The following SYT2 variants were observed in gnomAD, a reference collection of about 807,000 sequenced individuals.
The protein encoded by SYT2 is synaptotagmin-2.
A neutral mutation model predicts 39.9 loss-of-function variants in SYT2; 15 were observed. The ratio of observed to expected loss-of-function variants is 0.38; its 90% CI spans 0.25 to 0.58. SYT2 has a LOEUF of 0.58. Among genes scored for constraint, SYT2 ranks in the 20% least tolerant of loss-of-function variants. The pLI, the probability that SYT2 is intolerant of heterozygous loss-of-function variation, is 0.70. For missense variants in SYT2, 389 were observed against 530.3 expected, an observed-to-expected ratio of 0.73 and a Z score of 2.62; for synonymous variants, 181 against 204.5, an observed-to-expected ratio of 0.89 and a Z score of 0.98.
chr1:202,591,217 G>A lies in SYT2; in HGVS notation c.*5540C>T, dbSNP rs1254789087. 1 of 152,418 alleles carries A rather than the reference G, an allele frequency of 6.6e-6. No homozygotes were observed. The highest frequency in any genetic ancestry group is 2.4e-5 in the African/African-American group (1 of 41,470). The allele number at this position is 152,418 out of a possible 1,614,324, so 9.4% of individuals were successfully genotyped here. On this transcript the variant is annotated 3_prime_UTR_variant, in exon 9 of 9. Transcript: ENST00000367268. ...GGGACTTCTGTGTGCAACTTCTGTT[G>A]TGGTTTGTGCAGGGCAAGCCTGCCT...
chr1:202,632,793 C>G (rs1398006137), intron 1 of SYT2: 1 of 153,614 alleles, frequency 6.5e-6, no homozygotes, highest in South Asian at 2.1e-4. Context: ...TGGGACCAGA[C>G]AGCCTTTGCT....
intron 1 of SYT2, among the ~76,000 whole-genome samples, chr1:202,677,558 A>T (rs904292284): frequency 6.6e-6 from 1 of 152,190 alleles, no homozygotes; most frequent in Non-Finnish European, 1.5e-5. Flanking sequence ...CCAACTCGCC[A>T]TGTGAATGAG....
chr1:202,657,556 C>T (rs560115192), intron 1 of SYT2, among the ~76,000 whole-genome samples: 3 of 152,208 alleles, frequency 2.0e-5, no homozygotes, highest in Non-Finnish European at 2.9e-5. Context: ...GTTGGTGTGG[C>T]GGTCACTGCA....
intron 1 of SYT2, among the ~76,000 whole-genome samples, chr1:202,621,497 A>G (rs1168189131): frequency 1.3e-5 from 2 of 151,864 alleles, no homozygotes; most frequent in African/African-American, 4.8e-5. Flanking sequence ...GGGTACCACT[A>G]TGTTGCTCAG....
At chr1:202,706,396 C>T (rs904877466) in intron 1 of SYT2, among the ~76,000 whole-genome samples, 5 of 152,030 alleles carry the variant, frequency 3.3e-5, no homozygotes, top group Non-Finnish European at 5.9e-5. Context: ...AAAAGGAGCA[C>T]GCAGGCCACC....
At chr1:202,647,516 G>A (rs1187496771) in intron 1 of SYT2, among the ~76,000 whole-genome samples, 1 of 152,008 alleles carries the variant, frequency 6.6e-6, no homozygotes, top group Non-Finnish European at 1.5e-5. Context: ...CAGTAGCTGA[G>A]GCTACCTGCC....
At chr1:202,635,967 A>T (rs1298074483) in intron 1 of SYT2, among the ~76,000 whole-genome samples, 6 of 152,198 alleles carry the variant, frequency 3.9e-5, no homozygotes, top group Admixed American at 1.3e-4. Context: ...GCTGCTTCTG[A>T]TCAGCCCCCT....
At chr1:202,678,991 G>A (rs1653456876) in intron 1 of SYT2, among the ~76,000 whole-genome samples, 1 of 152,138 alleles carries the variant, frequency 6.6e-6, no homozygotes. Flanking sequence ...CCTCTGAAAT[G>A]CCGGTTCTCA....
chr1:202,637,824 G>A (rs1245889535), intron 1 of SYT2, among the ~76,000 whole-genome samples: 4 of 152,220 alleles, frequency 2.6e-5, no homozygotes, highest in Non-Finnish European at 4.4e-5. Context: ...AAGGACTGCC[G>A]GCCCTGATGA....
chr1:202,607,246 G>A (rs775867798), intron 1 of SYT2, among the ~76,000 whole-genome samples: 6 of 152,162 alleles, frequency 3.9e-5, no homozygotes, highest in Non-Finnish European at 8.8e-5. Flanking sequence ...AGCACACAGC[G>A]GGCACTCTGG....
chr1:202,650,820 A>ATGGTGGTGTGC (rs1692177668), intron 1 of SYT2, among the ~76,000 whole-genome samples: 1 of 152,190 alleles, frequency 6.6e-6, no homozygotes, highest in Non-Finnish European at 1.5e-5. Flanking sequence ...AAGATGAAGG[A>ATGGTGGTGTGC]ACAGCCAGAG....
At chr1:202,670,650 T>C (rs1159982341) in intron 1 of SYT2, among the ~76,000 whole-genome samples, 1 of 152,242 alleles carries the variant, frequency 6.6e-6, no homozygotes, top group Non-Finnish European at 1.5e-5. Flanking sequence ...CATGACCATT[T>C]GTAACGGCCA....
At chr1:202,691,831 C>A in intron 1 of SYT2, among the ~76,000 whole-genome samples, 1 of 145,710 alleles carries the variant, frequency 6.9e-6, no homozygotes, top group East Asian at 2.0e-4. Flanking sequence ...AGGAGAGTTC[C>A]CTCCTCCCTG....
rs1367419553 is a variant in SYT2, at chr1:202,594,931, C to T, written c.*1826G>A. 6.6e-6 allele frequency: 1 copy of T among 152,266 alleles called. No individual in the cohort carries two copies. The highest frequency in any genetic ancestry group is 2.4e-5 in the African/African-American group (1 of 41,452). The allele number at this position is 152,266 out of a possible 1,614,324, so 9.4% of individuals were successfully genotyped here. A position where few individuals can be genotyped will look rare whatever the true frequency, so the allele number is the denominator to read the frequency against. ...ACTCTGCAACTTCTTCACACTGGAT[C>T]CTCAAAGCCTGATTCCCTCCAACAC... is the stretch of plus-strand genomic sequence containing the variant. On this transcript the variant is annotated 3_prime_UTR_variant, in exon 9 of 9. Transcript: ENST00000367268.
In SYT2 at chr1:202,599,325, G is replaced by C. The variant is rs758388021; in HGVS notation, c.946C>G (p.Gln316Glu). 1 of 1,606,698 alleles carries C rather than the reference G, an allele frequency of 6.2e-7. No homozygotes were observed. The highest frequency in any genetic ancestry group is 8.5e-7 in the Non-Finnish European group (1 of 1,177,476). Residue 316 changes from glutamine to glutamate, a missense_variant, in exon 8 of 9, where the codon CAG becomes GAG. By Grantham distance (29) the Gln-to-Glu change is conservative. Coordinates refer to ENST00000367268, the MANE Select transcript of SYT2 (RefSeq NM_177402.5). This position sits in a 1 kb window ranked among gnomAD's most constrained non-coding sequence, Gnocchi z 4.4. ...SDPYVKIHLM[Q>E]NGKRLKKKKT... ...TTCTTCTTGAGCCTCTTGCCATTCT[G>C]CATCAGGTGGATCTTCACGTACGGG... is the stretch of plus-strand genomic sequence containing the variant.
At chr1:202,649,513 A>G (rs747027104) in intron 1 of SYT2, among the ~76,000 whole-genome samples, 1 of 152,160 alleles carries the variant, frequency 6.6e-6, no homozygotes, top group Non-Finnish European at 1.5e-5. Context: ...TCTTATTTCT[A>G]TTTTCAAGAT....
chr1:202,628,683 A>T lies in SYT2; in HGVS notation c.-17-22894T>A, dbSNP rs1691487012. ...AGGAGGGATGAACCATGGCCTCAAA[A>T]CACCCATGGGCTGGAGGAGGGGAGC... On this transcript the variant is annotated intron_variant, in intron 1 of 8. Transcript: ENST00000367268. The surrounding 1 kb of genome is among the most constrained non-coding windows in gnomAD (Gnocchi z 4.2). 1.3e-5 allele frequency among the ~76,000 whole-genome samples: 2 copies of T among 152,200 alleles called. No individual in the cohort carries two copies. The highest frequency in any genetic ancestry group is 2.9e-5 in the Non-Finnish European group (2 of 68,026).
chr1:202,612,395 T>C (rs1309054780), intron 1 of SYT2, among the ~76,000 whole-genome samples: 1 of 152,136 alleles, frequency 6.6e-6, no homozygotes, highest in Non-Finnish European at 1.5e-5. Context: ...TGAGCCAAGG[T>C]CTCACTCTGT....
Position 202,601,934 on chromosome 1 carries a change from G to T in SYT2, c.757C>A (p.Pro253Thr). The change falls in exon 6 of 9, where the codon CCC becomes ACC. Residue 253 changes from proline to threonine, a missense_variant. Coordinates refer to ENST00000367268, the MANE Select transcript of SYT2 (RefSeq NM_177402.5). This position sits in a 1 kb window ranked among gnomAD's most constrained non-coding sequence, Gnocchi z 4.0. ...VPMNTVDLGQ[P>T]IEEWRDLQGG... is the part of the protein sequence containing the mutation. ...TGCAGGTCTCTCCACTCCTCAATGG[G>T]CTGGCCGAGGTCCACTGTGTTCATA... 1 of 1,614,144 alleles carries T rather than the reference G, an allele frequency of 6.2e-7. No homozygotes were observed. Among genetic ancestry groups the T allele is most frequent in the South Asian group, 1.1e-5 (1 of 91,082 alleles).
Sources: gnomAD v4.1 joint callset for allele counts (sites outside exome capture counted in the v4.1 genomes callset) on GRCh38, gnomAD v4.1.1 for gene constraint, Gnocchi (gnomAD v3.1) non-coding constraint, MANE v1.5 for transcripts, NCBI Gene and HGNC (gene_info 2026-07-23, HGNC 2026-07-21) for gene names.